The following MEF2A variants were observed in gnomAD, a reference collection of about 807,000 sequenced individuals.
The protein encoded by MEF2A is myocyte enhancer factor 2A.
In MEF2A, 28 loss-of-function variants were observed where a neutral mutation model predicts 55.8. That is an observed-to-expected ratio of 0.50 (90% CI 0.37 to 0.69). MEF2A has a LOEUF of 0.69. Among genes scored for constraint, MEF2A ranks in the 30% least tolerant of loss-of-function variants. The probability of loss-of-function intolerance (pLI) is 0.00; values close to 1 mark genes in which losing one functional copy is unlikely to be tolerated. For missense variants in MEF2A, 528 were observed against 626.2 expected (o/e 0.84, Z 1.67); for synonymous variants, 239 against 227.1 (o/e 1.05, Z -0.47).
chr15:99,598,050 C>G (rs552298590), intron 1 of MEF2A, among the ~76,000 whole-genome samples: 1 of 152,086 alleles, frequency 6.6e-6, no homozygotes, highest in Non-Finnish European at 1.5e-5. Flanking sequence ...CTATTTAAAA[C>G]AAGTTTAGTT....
At position 99,615,879 on chromosome 15, in the gene MEF2A, C is replaced by G. The variant is rs1468657027; in HGVS notation, c.-142-17099C>G. Among the ~76,000 whole-genome samples, 7 of 152,174 alleles carry G rather than the reference C, an allele frequency of 4.6e-5. No individual in the cohort carries two copies. In the South Asian group the frequency reaches 1.5e-3, roughly 32 times the overall value. ...ATGGCCTGTGAAGTATGGTTTTTGC[C>G]TCATTTTAAAAATGAAGAAACTGTG... is the stretch of plus-strand genomic sequence containing the variant. On this transcript the variant is annotated intron_variant, in intron 2 of 11. Transcript: ENST00000557942.
At chr15:99,607,395 AT>A (rs1286612417) in intron 2 of MEF2A, among the ~76,000 whole-genome samples, 3 of 152,164 alleles carry the variant, frequency 2.0e-5, no homozygotes, top group Admixed American at 1.3e-4. Context: ...TCAAAATCAT[AT>A]TTGACTGAAT....
intron 4 of MEF2A, among the ~76,000 whole-genome samples, chr15:99,665,406 C>T (rs2049420279): frequency 6.6e-6 from 1 of 152,076 alleles, no homozygotes; most frequent in East Asian, 1.9e-4. Context: ...GAAACTGGAT[C>T]CCTTCCTTAC....
At chr15:99,593,055 G>A (rs900876096) in intron 1 of MEF2A, among the ~76,000 whole-genome samples, 5 of 152,122 alleles carry the variant, frequency 3.3e-5, no homozygotes, top group African/African-American at 7.2e-5. Context: ...TTCCTTTACA[G>A]TGTAGTTACT....
intron 1 of MEF2A, among the ~76,000 whole-genome samples, chr15:99,567,626 A>AATGTGTGTGTGTGTGTGTGTGT (rs1567124507): frequency 2.5e-5 from 3 of 122,014 alleles, no homozygotes; most frequent in African/African-American, 9.8e-5. Context: ...TTTTGTATGT[A>AATGTGTGTGTGTGTGTGTGTGT]CTGTGTGTGT....
At position 99,572,016 on chromosome 15, in the gene MEF2A, T is replaced by G. The variant is rs928747024; in HGVS notation, c.-225+5912T>G. On this transcript the variant is annotated intron_variant, in intron 1 of 11. Transcript: ENST00000557942. ...TTTTTCTTCTTGCTCCATAGAAGTTTTTTTTTTTTTTTTTTTCTTCACACA... is the reference window on the plus strand; with the variant it reads ...TTTTTCTTCTTGCTCCATAGAAGTTGTTTTTTTTTTTTTTTTCTTCACACA... 6.6e-4 allele frequency among the ~76,000 whole-genome samples: 98 copies of G among 148,546 alleles called. 2 individuals carry two copies. The highest frequency in any genetic ancestry group is 1.2e-4 in the Non-Finnish European group (8 of 66,476).
chr15:99,665,703 T>G (rs1015273691), intron 4 of MEF2A, among the ~76,000 whole-genome samples: 1 of 100,226 alleles, frequency 1.0e-5, no homozygotes, highest in Non-Finnish European at 1.8e-5. Context: ...AGGGTTAATA[T>G]CCGGAATCTA....
Position 99,715,908 on chromosome 15 carries a change from A to C in MEF2A, c.*3137A>C, listed in dbSNP as rs546931305. 6.9e-4 allele frequency: 106 copies of C among 152,586 alleles called. No homozygotes were observed. The highest frequency in any genetic ancestry group is 2.5e-3 in the African/African-American group (102 of 41,542). The allele number at this position is 152,586 out of a possible 1,614,324, so 9.5% of individuals were successfully genotyped here. ...ATTATGTCCATTTTGTTATAGACTA[A>C]ATCAGGGGTTTGTTCTACAAGAACA... On this transcript the variant is annotated 3_prime_UTR_variant, in exon 12 of 12. Transcript: ENST00000557942.
Position 99,618,712 on chromosome 15 carries a change from AAGAG to A in MEF2A, c.-142-14260_-142-14257del, listed in dbSNP as rs142426156. On this transcript the variant is annotated intron_variant, in intron 2 of 11. Transcript: ENST00000557942. ...ACATAAACATATCCATGAGAGTGAG[AAGAG>A]AGAGAATGAAAGTTAATGAAAAATG... is the stretch of plus-strand genomic sequence containing the variant. 3.0e-3 allele frequency among the ~76,000 whole-genome samples: 451 copies of A among 152,300 alleles called. 1 individual carries two copies. Among genetic ancestry groups the A allele is most frequent in the African/African-American group, 0.01 (425 of 41,576 alleles).
At chr15:99,696,712 A>G (rs1436173798) in intron 8 of MEF2A, among the ~76,000 whole-genome samples, 2 of 151,766 alleles carry the variant, frequency 1.3e-5, no homozygotes, top group Admixed American at 6.6e-5. Flanking sequence ...ACTTAACCCC[A>G]ATCAAGCAGA....
chr15:99,672,717 C>T (rs564035243), intron 5 of MEF2A, among the ~76,000 whole-genome samples: 106 of 152,196 alleles, frequency 7.0e-4, no homozygotes, highest in Non-Finnish European at 1.3e-3. Context: ...GGAATATTTG[C>T]ATATGTATAG....
At chr15:99,606,213 C>G (rs1975060930) in intron 2 of MEF2A, among the ~76,000 whole-genome samples, 1 of 152,084 alleles carries the variant, frequency 6.6e-6, no homozygotes, top group Non-Finnish European at 1.5e-5. Flanking sequence ...AAAGAAATGA[C>G]TTATGTTCCA....
chr15:99,708,720 G>A (rs2058302648), intron 10 of MEF2A, among the ~76,000 whole-genome samples: 1 of 152,230 alleles, frequency 6.6e-6, no homozygotes, highest in Non-Finnish European at 1.5e-5. Context: ...CTGGGGGGAA[G>A]GCACAAGACA....
chr15:99,637,343 C>T (rs1057476521), intron 3 of MEF2A, among the ~76,000 whole-genome samples: 3 of 152,034 alleles, frequency 2.0e-5, no homozygotes, highest in African/African-American at 7.2e-5. Flanking sequence ...TTCATTAATT[C>T]TCTCCATAAT....
At chr15:99,608,613 C>T (rs910707119) in intron 2 of MEF2A, among the ~76,000 whole-genome samples, 2 of 152,072 alleles carry the variant, frequency 1.3e-5, no homozygotes, top group Non-Finnish European at 2.9e-5. Context: ...AAAAGTAATA[C>T]TTTGGGCGAG....
chr15:99,591,523 G>A (rs1469443694), intron 1 of MEF2A, among the ~76,000 whole-genome samples: 2 of 152,002 alleles, frequency 1.3e-5, no homozygotes, highest in Non-Finnish European at 2.9e-5. Flanking sequence ...TGCTTAATCT[G>A]CTTTATGTAT....
In MEF2A at chr15:99,712,970, A is replaced by C; in HGVS notation, c.*199A>C. 1.6e-6 allele frequency: 1 copy of C among 636,164 alleles called. No individual in the cohort carries two copies. Among genetic ancestry groups the C allele is most frequent in the East Asian group, 2.8e-5 (1 of 35,984 alleles). The allele number at this position is 636,164 out of a possible 1,614,324, so 39.4% of individuals were successfully genotyped here. ...CACAGAATCAGGCACTTACCTGCAA[A>C]CTCCTTGTAGGTCTGCAGATGTGTG... On this transcript the variant is annotated 3_prime_UTR_variant, in exon 12 of 12. Transcript: ENST00000557942. The surrounding 1 kb of genome is among the most constrained non-coding windows in gnomAD (Gnocchi z 4.1).
intron 7 of MEF2A, among the ~76,000 whole-genome samples, chr15:99,683,608 T>C (rs1266557993): frequency 1.3e-5 from 2 of 151,942 alleles, no homozygotes; most frequent in African/African-American, 4.8e-5. Flanking sequence ...TTCGCCATGT[T>C]GGCCAGGCTG....
chr15:99,669,263 G>A (rs916627009), intron 4 of MEF2A, among the ~76,000 whole-genome samples: 7 of 152,142 alleles, frequency 4.6e-5, no homozygotes, highest in African/African-American at 1.7e-4. Context: ...AAAATTGAGG[G>A]GAAATATCAG....
Sources: gnomAD v4.1 joint callset for allele counts (sites outside exome capture counted in the v4.1 genomes callset) on GRCh38, gnomAD v4.1.1 for gene constraint, Gnocchi (gnomAD v3.1) non-coding constraint, MANE v1.5 for transcripts, NCBI Gene and HGNC (gene_info 2026-07-23, HGNC 2026-07-21) for gene names.